MID1: variants seen among roughly 807,000 people sequenced by gnomAD.
The protein encoded by MID1 is midline 1.
In MID1, 7 loss-of-function variants were observed where a neutral mutation model predicts 40.4. That is an observed-to-expected ratio of 0.17 (90% confidence interval 0.10 to 0.33). The LOEUF is 0.33. MID1 is among the 10% of genes least tolerant of loss of function. The probability of loss-of-function intolerance (pLI) is 1.00; values close to 1 mark genes in which losing one functional copy is unlikely to be tolerated. For missense variants in MID1, 367 were observed against 558.5 expected, an observed-to-expected ratio of 0.66 and a Z score of 3.46; for synonymous variants, 229 against 221.2, an observed-to-expected ratio of 1.04 and a Z score of -0.31.
Position 10,748,172 on chromosome X carries a change from C to T in MID1, c.-187+85382G>A, listed in dbSNP as rs558459394. 3.0e-3 allele frequency among the ~76,000 whole-genome samples: 329 copies of T among 110,788 alleles called. 1 individual carries two copies. Among genetic ancestry groups the T allele is most frequent in the African/African-American group, 0.01 (309 of 30,483 alleles). On this transcript the variant is annotated intron_variant, in intron 1 of 10. Transcript: ENST00000380785. ...GCTGGCCTTTCTCCTGTTTATTGTC[C>T]CTGGGGCCTCCCTCGAAGCAACCCT...
intron 6 of MID1, among the ~76,000 whole-genome samples, chrX:10,471,590 C>T (rs1929710846): frequency 8.9e-6 from 1 of 112,004 alleles, no homozygotes; most frequent in Non-Finnish European, 1.9e-5. Flanking sequence ...TGTGGTATGA[C>T]TTGGATGTGC....
chrX:10,508,295 A>G (rs1423250941), intron 3 of MID1, among the ~76,000 whole-genome samples: 1 of 112,500 alleles, frequency 8.9e-6, no homozygotes, highest in Non-Finnish European at 1.9e-5. Context: ...CACTTGAAAT[A>G]TGGTTAGTCT....
At chrX:10,793,156 C>T (rs1446125091) in intron 1 of MID1, among the ~76,000 whole-genome samples, 1 of 112,465 alleles carries the variant, frequency 8.9e-6, no homozygotes, top group Non-Finnish European at 1.9e-5. Context: ...ATTTTGCCTT[C>T]CCACATCTGT....
intron 8 of MID1, 27 bp downstream of exon 8, chrX:10,459,619 C>T (rs1269158636): frequency 2.1e-5 from 25 of 1,201,330 alleles, no homozygotes; most frequent in Non-Finnish European, 2.7e-5. Flanking sequence ...TAAGACATGA[C>T]AGCTCTGTTG....
In MID1 at chrX:10,449,190, C is replaced by G. The variant is rs187093001; in HGVS notation, c.*178G>C. Reference sequence around the variant, plus strand: ...ATTAAAGAAATTATTAAAGCCCGTACTTAATACAAGACACAGTAAAAGGAG... The same window carrying G: ...ATTAAAGAAATTATTAAAGCCCGTAGTTAATACAAGACACAGTAAAAGGAG... On this transcript the variant is annotated 3_prime_UTR_variant, in exon 10 of 10. Transcript: ENST00000317552. 1.2e-5 allele frequency: 5 copies of G among 413,595 alleles called. No individual in the cohort carries two copies. The highest frequency in any genetic ancestry group is 9.9e-5 in the African/African-American group (4 of 40,309). The allele number at this position is 413,595 out of a possible 1,213,427, so 34.1% of individuals were successfully genotyped here. A position where few individuals can be genotyped will look rare whatever the true frequency, so the allele number is the denominator to read the frequency against.
intron 1 of MID1, among the ~76,000 whole-genome samples, chrX:10,592,715 G>T (rs562618984): frequency 9.1e-6 from 1 of 110,176 alleles, no homozygotes; most frequent in African/African-American, 3.3e-5. Flanking sequence ...CTCATTTAAG[G>T]TGATAACTAT....
At chrX:10,599,772 C>A (rs968976540) in intron 1 of MID1, among the ~76,000 whole-genome samples, 62 of 112,410 alleles carry the variant, frequency 5.5e-4, no homozygotes, top group African/African-American at 1.8e-3. Context: ...GTATAAAATA[C>A]TTCCAATTTT....
In MID1 at chrX:10,484,423, CCA is replaced by C. The variant is rs778694390; in HGVS notation, c.865-1797_865-1796del. 8.9e-5 allele frequency among the ~76,000 whole-genome samples: 10 copies of C among 111,880 alleles called. No individual in the cohort carries two copies. In the East Asian group the frequency reaches 2.8e-3, roughly 31 times the overall value. On this transcript the variant is annotated intron_variant, in intron 4 of 9. Coordinates refer to ENST00000317552, the MANE Select transcript of MID1 (RefSeq NM_000381.4). ...TTTCAAATGCGATGATGCTTGAACTCCAGTTTCTTCTTTTCTTTTTCTATCAT... is the reference window on the plus strand; with the variant it reads ...TTTCAAATGCGATGATGCTTGAACTCGTTTCTTCTTTTCTTTTTCTATCAT...
At chrX:10,661,478 G>A (rs7882912) in intron 1 of MID1, among the ~76,000 whole-genome samples, 15,488 of 108,598 alleles carry the variant, frequency 0.14, 1,841 homozygotes, top group African/African-American at 0.39. Context: ...ACACCCAGCT[G>A]ATTTTTTGTA....
chrX:10,771,497 TG>T (rs1351436619), intron 1 of MID1, among the ~76,000 whole-genome samples: 2 of 109,076 alleles, frequency 1.8e-5, no homozygotes, highest in African/African-American at 3.3e-5. Flanking sequence ...CATTTATCTA[TG>T]TTTTTTTTTT....
intron 3 of MID1, chrX:10,506,316 T>G: frequency 9.4e-7 from 1 of 1,065,640 alleles, no homozygotes; most frequent in Non-Finnish European, 1.2e-6. Context: ...CCAAGAAGGA[T>G]ATGAGACAAG....
intron 1 of MID1, among the ~76,000 whole-genome samples, chrX:10,660,020 A>G (rs1409933765): frequency 1.8e-5 from 2 of 112,160 alleles, no homozygotes; most frequent in African/African-American, 6.5e-5. Context: ...GTTTTCTGAG[A>G]ATGTTCTTAA....
At chrX:10,821,195 T>C (rs972235916) in intron 1 of MID1, among the ~76,000 whole-genome samples, 1 of 111,934 alleles carries the variant, frequency 8.9e-6, no homozygotes, top group Non-Finnish European at 1.9e-5. Flanking sequence ...AAATGACTCC[T>C]GGAAGTATAG....
chrX:10,604,402 T>C (rs1451531263), intron 1 of MID1, among the ~76,000 whole-genome samples: 1 of 111,661 alleles, frequency 9.0e-6, no homozygotes, highest in East Asian at 2.8e-4. Flanking sequence ...GAGGAACCTA[T>C]CTTGACATTA....
At chrX:10,522,194 G>A (rs1476860038) in intron 3 of MID1, among the ~76,000 whole-genome samples, 2 of 111,818 alleles carry the variant, frequency 1.8e-5, no homozygotes, top group African/African-American at 6.5e-5. Flanking sequence ...CTGGAGTAGG[G>A]TGGGCTCTTT....
At chrX:10,544,203 AT>A (rs925119240) in intron 2 of MID1, among the ~76,000 whole-genome samples, 21 of 105,135 alleles carry the variant, frequency 2.0e-4, no homozygotes, top group East Asian at 5.9e-4. Flanking sequence ...CATTTCATTC[AT>A]TTTTTTTTTC....
chrX:10,494,771 CAAAAAAAAA>C (rs58092232), intron 4 of MID1, among the ~76,000 whole-genome samples: 1 of 31,982 alleles, frequency 3.1e-5, no homozygotes, highest in African/African-American at 8.3e-5. Context: ...AAGACTGTCT[CAAAAAAAAA>C]AAAAAAAAAA....
At chrX:10,592,457 T>C (rs1156228519) in intron 1 of MID1, among the ~76,000 whole-genome samples, 3 of 109,302 alleles carry the variant, frequency 2.7e-5, no homozygotes, top group Non-Finnish European at 5.7e-5. Context: ...ATAGAAAGCA[T>C]TGCTCCATTT....
At chrX:10,517,931 T>G (rs1932531911) in intron 3 of MID1, among the ~76,000 whole-genome samples, 2 of 112,308 alleles carry the variant, frequency 1.8e-5, no homozygotes, top group South Asian at 7.4e-4. Context: ...TAAGTGCTCT[T>G]CTGTCTTAGT....
Sources: gnomAD v4.1 joint callset for allele counts (sites outside exome capture counted in the v4.1 genomes callset) on GRCh38, gnomAD v4.1.1 for gene constraint, MANE v1.5 for transcripts, NCBI Gene and HGNC (gene_info 2026-07-23, HGNC 2026-07-21) for gene names.